The following LNX1 variants were observed in gnomAD, a reference collection of about 807,000 sequenced individuals.
LNX1 encodes the protein ligand of numb-protein X 1.
A neutral mutation model predicts 68.4 loss-of-function variants in LNX1; 54 were observed. The ratio of observed to expected loss-of-function variants is 0.79; its 90% CI spans 0.63 to 0.99. LNX1 has a LOEUF of 0.99. Among genes scored for constraint, LNX1 ranks in the 50% least tolerant of loss-of-function variants. The pLI is 0.00. For missense variants in LNX1, 906 were observed against 926.4 expected, an observed-to-expected ratio of 0.98 and a Z score of 0.29; for synonymous variants, 336 against 350.0, an observed-to-expected ratio of 0.96 and a Z score of 0.45.
At chr4:53,622,327 G>A (rs182693587), upstream of LNX1, among the ~76,000 whole-genome samples, 56 of 152,188 alleles carry the variant, frequency 3.7e-4, no homozygotes, top group Non-Finnish European at 6.5e-4. Flanking sequence ...TTCAAAGTGC[G>A]TGGATTAGAA....
chr4:53,594,970 C>A (rs1467928822), upstream of LNX1, among the ~76,000 whole-genome samples: 1 of 152,170 alleles, frequency 6.6e-6, no homozygotes, highest in South Asian at 2.1e-4. Flanking sequence ...CCTCGGCCTC[C>A]CAAAGTGCTG....
In LNX1 at chr4:53,459,530, A is replaced by C; in HGVS notation, c.*1377T>G. 6.4e-7 allele frequency: 1 copy of C among 1,573,102 alleles called. No homozygotes were observed. The highest frequency in any genetic ancestry group is 8.7e-7 in the Non-Finnish European group (1 of 1,147,408). The stretch of plus-strand genomic sequence containing the variant: ...GTTATTTTTCTGGATAATGTTTAAG[A>C]AATTTACCTTAAATCTTGTTCTGTT... On this transcript the variant is annotated 3_prime_UTR_variant, in exon 11 of 11. Coordinates refer to ENST00000263925, the MANE Select transcript of LNX1 (RefSeq NM_001126328.3).
At chr4:53,479,220 C>T (rs1322687580) in intron 7 of LNX1, among the ~76,000 whole-genome samples, 1 of 152,328 alleles carries the variant, frequency 6.6e-6, no homozygotes, top group East Asian at 1.9e-4. Context: ...ACAGAGTGAA[C>T]TGCACCCAAA....
Position 53,496,290 on chromosome 4 carries a change from G to A in LNX1, c.1083C>T (p.Phe361=). ...LWLTVMREQK[F]RSRNNGQAPD... is the part of the protein sequence containing the mutation. ...GGGCCTGTCCATTGTTCCTGCTGCG[G>A]AACTTCTGTTCACGCATCACAGTCA... The change falls in exon 6 of 11, where the codon TTC becomes TTT. Residue 361 remains phenylalanine (F), a synonymous_variant. Coordinates refer to ENST00000263925, the MANE Select transcript of LNX1 (RefSeq NM_001126328.3). 1.2e-6 allele frequency: 2 copies of A among 1,614,150 alleles called. No individual in the cohort carries two copies. The highest frequency in any genetic ancestry group is 1.7e-6 in the Non-Finnish European group (2 of 1,180,026).
At chr4:53,577,823 C>T (rs1366726822) in intron 1 of LNX1, among the ~76,000 whole-genome samples, 1 of 152,096 alleles carries the variant, frequency 6.6e-6, no homozygotes, top group Non-Finnish European at 1.5e-5. Flanking sequence ...ACAACAGTCC[C>T]TTCCAGAAAT....
At chr4:53,564,952 A>G (rs1560669010) in intron 2 of LNX1, among the ~76,000 whole-genome samples, 1 of 152,212 alleles carries the variant, frequency 6.6e-6, no homozygotes, top group Non-Finnish European at 1.5e-5. Context: ...GGCTTAAAAA[A>G]TGGCGCACCA....
chr4:53,570,952 G>A (rs1244897977), intron 2 of LNX1, among the ~76,000 whole-genome samples: 4 of 151,802 alleles, frequency 2.6e-5, no homozygotes, highest in Admixed American at 2.6e-4. Context: ...GCATGAACCC[G>A]GGAGGCCGAG....
At chr4:53,619,985 G>A (rs78982775), upstream of LNX1, among the ~76,000 whole-genome samples, 604 of 152,252 alleles carry the variant, frequency 4.0e-3, 8 homozygotes, top group African/African-American at 0.014. Context: ...TGCAACAGCA[G>A]TTTTAATATT....
At chr4:53,572,299 G>T (rs1327054077) in intron 2 of LNX1, among the ~76,000 whole-genome samples, 1 of 152,218 alleles carries the variant, frequency 6.6e-6, no homozygotes, top group African/African-American at 2.4e-5. Flanking sequence ...TGGGGAATGA[G>T]GGAGGTAGGG....
intron 2 of LNX1, among the ~76,000 whole-genome samples, chr4:53,560,895 G>C (rs996361851): frequency 1.3e-5 from 2 of 152,128 alleles, no homozygotes; most frequent in African/African-American, 4.8e-5. Context: ...ATCCCTTGGG[G>C]CTAAAACCCA....
At chr4:53,643,123 T>C (rs1038360052) in intron 1 of LNX1, among the ~76,000 whole-genome samples, 1 of 152,090 alleles carries the variant, frequency 6.6e-6, no homozygotes, top group Non-Finnish European at 1.5e-5. Flanking sequence ...TCCCAAATGC[T>C]AGTATTGTTG....
intron 1 of LNX1, among the ~76,000 whole-genome samples, chr4:53,638,216 G>T (rs1734553043): frequency 6.6e-6 from 1 of 152,178 alleles, no homozygotes; most frequent in Admixed American, 6.5e-5. Context: ...CTTCTCTGCT[G>T]GGTTTGCAGT....
chr4:53,471,844 C>G (rs1723209923), intron 9 of LNX1, among the ~76,000 whole-genome samples: 1 of 152,118 alleles, frequency 6.6e-6, no homozygotes, highest in African/African-American at 2.4e-5. Flanking sequence ...ACAACAGGTG[C>G]TGGAGAGGAT....
chr4:53,623,335 C>A (rs972166333), intron 1 of LNX1, among the ~76,000 whole-genome samples: 3 of 151,868 alleles, frequency 2.0e-5, no homozygotes, highest in African/African-American at 7.3e-5. Flanking sequence ...TACCAAGTAG[C>A]TGGGACCCAC....
At chr4:53,495,060 G>A (rs1161865640) in intron 6 of LNX1, among the ~76,000 whole-genome samples, 1 of 152,154 alleles carries the variant, frequency 6.6e-6, no homozygotes, top group African/African-American at 2.4e-5. Flanking sequence ...TCTTTGTGGT[G>A]ATGGAAATCT....
At chr4:53,593,671 CT>C (rs201491701), upstream of LNX1, among the ~76,000 whole-genome samples, 9 of 150,476 alleles carry the variant, frequency 6.0e-5, no homozygotes, top group South Asian at 2.1e-4. Flanking sequence ...ATAATATGGG[CT>C]TTTTTTTTGG....
At chr4:53,553,484 C>G (rs1729660592) in intron 2 of LNX1, among the ~76,000 whole-genome samples, 1 of 152,168 alleles carries the variant, frequency 6.6e-6, no homozygotes, top group Admixed American at 6.5e-5. Flanking sequence ...TCCTCAGAAC[C>G]TACACTGTTC....
At chr4:53,475,141 C>T (rs1723480633) in intron 9 of LNX1, among the ~76,000 whole-genome samples, 1 of 152,232 alleles carries the variant, frequency 6.6e-6, no homozygotes, top group Non-Finnish European at 1.5e-5. Flanking sequence ...GGAAGAAAGA[C>T]ATTCGCTTGG....
upstream of LNX1, among the ~76,000 whole-genome samples, chr4:53,621,017 A>G (rs1733849861): frequency 6.6e-6 from 1 of 152,198 alleles, no homozygotes; most frequent in Non-Finnish European, 1.5e-5. Flanking sequence ...GCTTTCAAAC[A>G]TTTTATTAAC....
Sources: gnomAD v4.1 joint callset for allele counts (sites outside exome capture counted in the v4.1 genomes callset) on GRCh38, gnomAD v4.1.1 for gene constraint, MANE v1.5 for transcripts, NCBI Gene and HGNC (gene_info 2026-07-23, HGNC 2026-07-21) for gene names.